NOS2: variants seen among roughly 807,000 people sequenced by gnomAD.
The protein encoded by NOS2 is nitric oxide synthase 2, also known as nitric oxide synthase, inducible.
A neutral mutation model predicts 136.0 loss-of-function variants in NOS2; 96 were observed. The observed-to-expected ratio is 0.71, with a 90% CI of 0.60 to 0.84. NOS2 has a LOEUF of 0.84. NOS2 is among the 40% of genes least tolerant of loss of function. NOS2 has a pLI of 0.00. For synonymous variants in NOS2, 539 were observed against 587.5 expected, an observed-to-expected ratio of 0.92 and a Z score of 1.20; for missense variants, 1,237 against 1,496.9, an observed-to-expected ratio of 0.83 and a Z score of 2.87.
chr17:27,798,063 TGTGGAC>T (rs2142532976), intron 2 of NOS2, among the ~76,000 whole-genome samples: 1 of 152,256 alleles, frequency 6.6e-6, no homozygotes, highest in South Asian at 2.1e-4. Context: ...TGAACCCTGA[TGTGGAC>T]TAAGTGTCTG....
At chr17:27,777,092 G>A (rs1042402488) in intron 11 of NOS2, among the ~76,000 whole-genome samples, 6 of 152,112 alleles carry the variant, frequency 3.9e-5, no homozygotes, top group Non-Finnish European at 8.8e-5. Context: ...CCCAAACACC[G>A]GGGGGCTCTT....
intron 26 of NOS2, among the ~76,000 whole-genome samples, chr17:27,758,188 A>G (rs1287877298): frequency 2.6e-5 from 4 of 152,194 alleles, no homozygotes; most frequent in Admixed American, 6.5e-5. Flanking sequence ...ATAAATGTTC[A>G]GTTGAACGTA....
intron 21 of NOS2, among the ~76,000 whole-genome samples, chr17:27,763,546 A>G (rs186359163): frequency 9.2e-5 from 14 of 152,362 alleles, no homozygotes; most frequent in Admixed American, 7.8e-4. Context: ...ACTTGGAACC[A>G]GACAGTTGCA....
chr17:27,771,111 C>T, intron 14 of NOS2, 94 bp from the exon 15 acceptor site: 9 of 840,082 alleles, frequency 1.1e-5, no homozygotes, highest in Non-Finnish European at 1.7e-5. Flanking sequence ...ACACTGCCCC[C>T]AGGCTGCGGC....
chr17:27,782,692 T>C (rs1207946287), intron 6 of NOS2, among the ~76,000 whole-genome samples: 1 of 152,240 alleles, frequency 6.6e-6, no homozygotes. Context: ...ACTCTAATGA[T>C]GGCATTTAGT....
Position 27,762,920 on chromosome 17 carries a change from G to A in NOS2, c.2678C>T (p.Ala893Val). ...LEEFPSLRVS[A>V]GFLLSQLPIL... ...GGGGAGCTGGGAAAGCAGGAAGCCA[G>A]CAGACACCCGCAGGGACGGGAACTC... The change falls in exon 22 of 27, where the codon GCT (alanine) becomes GTT (valine). Residue 893 changes from alanine to valine, a missense_variant. Physicochemically the swap from Ala to Val is moderately conservative, Grantham distance 64. Transcript: ENST00000313735. 1 of 1,602,110 alleles carries A rather than the reference G, an allele frequency of 6.2e-7. No individual in the cohort carries two copies. Among genetic ancestry groups the A allele is most frequent in the Admixed American group, 1.7e-5 (1 of 57,384 alleles).
rs1264155793 is a variant in NOS2, at chr17:27,765,577, T to C, written c.2386A>G (p.Thr796Ala). The change falls in exon 20 of 27, where the codon ACA (threonine) becomes GCA (alanine). Residue 796 changes from threonine to alanine, a missense_variant. Transcript: ENST00000313735. The stretch of plus-strand genomic sequence containing the variant: ...TCCAGGCGCACTGTCTGGTGGGGTG[T>C]GGGGCCATCCACCACTCGCTCCAGG... Reference protein sequence around the residue: ...GILERVVDGPTPHQTVRLEAL... With the variant: ...GILERVVDGPAPHQTVRLEAL... 1 of 1,611,602 alleles carries C rather than the reference T, an allele frequency of 6.2e-7. No individual in the cohort carries two copies. Among genetic ancestry groups the C allele is most frequent in the African/African-American group, 1.3e-5 (1 of 74,880 alleles).
At chr17:27,783,955 A>G (rs1366617538) in intron 5 of NOS2, among the ~76,000 whole-genome samples, 1 of 152,220 alleles carries the variant, frequency 6.6e-6, no homozygotes, top group African/African-American at 2.4e-5. Flanking sequence ...GCAGGGTCCC[A>G]GGGCCTGGCC....
rs202013637 is a variant in NOS2 at position 27,780,796 on chromosome 17, A to G, written c.975T>C (p.Leu325=). 5 of 1,614,184 alleles carry G rather than the reference A, an allele frequency of 3.1e-6. No homozygotes were observed. The highest frequency in any genetic ancestry group is 4.2e-6 in the Non-Finnish European group (5 of 1,180,026). The change falls in exon 9 of 27, where the codon CTT becomes CTC. Residue 325 remains leucine (L), a synonymous_variant. Coordinates refer to ENST00000313735, the MANE Select transcript of NOS2 (RefSeq NM_000625.4). ...GATGTTCCATGGCCACCTCAAGCAC[A>G]AGGTCAGGTGGGATTTCGAAGAGCT... ...DPELFEIPPD[L]VLEVAMEHPK...
chr17:27,769,316 A>C (rs1359979795), intron 16 of NOS2, among the ~76,000 whole-genome samples, 165 bp from the exon 17 acceptor site: 2 of 151,316 alleles, frequency 1.3e-5, no homozygotes, highest in African/African-American at 4.9e-5. Context: ...CTTGTCACCA[A>C]CTCCCATGAC....
Position 27,788,848 on chromosome 17 carries a change from C to A in NOS2, c.279G>T (p.Gly93=). 6.2e-7 allele frequency: 1 copy of A among 1,614,178 alleles called. No individual in the cohort carries two copies. Among genetic ancestry groups the A allele is most frequent in the Non-Finnish European group, 8.5e-7 (1 of 1,180,016 alleles). The change falls in exon 4 of 27, where the codon GGG becomes GGT. Residue 93 remains glycine (G), a synonymous_variant. Coordinates refer to ENST00000313735, the MANE Select transcript of NOS2 (RefSeq NM_000625.4). ...RHVRIKNWGS[G]MTFQDTLHHK... ...GGTGAAGTGTGTCTTGGAAAGTCATCCCGCTGCCCCAGTTTTTGATCCTCA... is the reference window on the plus strand; with the variant it reads ...GGTGAAGTGTGTCTTGGAAAGTCATACCGCTGCCCCAGTTTTTGATCCTCA...
chr17:27,782,302 C>T (rs1367088466), intron 6 of NOS2, among the ~76,000 whole-genome samples, 196 bp from the exon 7 acceptor site: 2 of 152,302 alleles, frequency 1.3e-5, no homozygotes, highest in Non-Finnish European at 1.5e-5. Context: ...CTCCCATCTG[C>T]ACCACCGCTC....
At chr17:27,757,388 C>G in intron 26 of NOS2, 35 bp from the exon 27 acceptor site, 1 of 1,599,562 alleles carries the variant, frequency 6.3e-7, no homozygotes, top group African/African-American at 1.3e-5. Flanking sequence ...CGTGTCAAGT[C>G]CAGGCTGGGA....
chr17:27,791,782 C>CA (rs1306140301), intron 2 of NOS2, among the ~76,000 whole-genome samples: 1 of 120,734 alleles, frequency 8.3e-6, no homozygotes, highest in Non-Finnish European at 1.8e-5. Flanking sequence ...AAAAACAAAA[C>CA]AAAACAAAAC....
chr17:27,779,288 CTTATTA>C (rs140152355), intron 9 of NOS2, among the ~76,000 whole-genome samples: 68,261 of 139,092 alleles, frequency 0.49, 17,654 homozygotes, highest in East Asian at 0.71. Context: ...AATTTTTTTC[CTTATTA>C]TTATTATTAT....
intron 11 of NOS2, among the ~76,000 whole-genome samples, chr17:27,776,785 T>C (rs1908673539): frequency 6.6e-6 from 1 of 152,000 alleles, no homozygotes; most frequent in East Asian, 1.9e-4. Context: ...GGCCAGGCAG[T>C]GCAGCTAAAC....
At chr17:27,786,568 G>T (rs1165407882) in intron 5 of NOS2, among the ~76,000 whole-genome samples, 1 of 152,166 alleles carries the variant, frequency 6.6e-6, no homozygotes. Context: ...TATTTTATTT[G>T]GACAACGCAG....
At chr17:27,769,439 G>T in intron 16 of NOS2, 96 bp downstream of exon 16, 1 of 1,076,882 alleles carries the variant, frequency 9.3e-7, no homozygotes, top group Non-Finnish European at 1.4e-6. Context: ...GCACGGTTCT[G>T]AGAAGACCCC....
chr17:27,779,210 C>G (rs1214253824), intron 9 of NOS2, among the ~76,000 whole-genome samples, 154 bp from the exon 10 acceptor site: 1 of 151,346 alleles, frequency 6.6e-6, no homozygotes, highest in East Asian at 1.9e-4. Flanking sequence ...ACTCCTGGGC[C>G]CAAGCGATCC....
Sources: gnomAD v4.1 joint callset for allele counts (sites outside exome capture counted in the v4.1 genomes callset) on GRCh38, gnomAD v4.1.1 for gene constraint, MANE v1.5 for transcripts, NCBI Gene and HGNC (gene_info 2026-07-23, HGNC 2026-07-21) for gene names.